The following OPRPN variants were observed in gnomAD, a reference collection of about 807,000 sequenced individuals.
OPRPN encodes the protein basic proline-rich lacrimal protein.
Under a neutral mutation model 2.2 loss-of-function variants are expected in OPRPN, and 1 was observed. The ratio of observed to expected loss-of-function variants is 0.45; its 90% CI spans 0.16 to 2.15. The LOEUF is 2.15. Among genes scored for constraint, OPRPN ranks in the 30% most tolerant of loss-of-function variants. The pLI, the probability that OPRPN is intolerant of heterozygous loss-of-function variation, is 0.28. For synonymous variants in OPRPN, 126 were observed against 111.5 expected, an observed-to-expected ratio of 1.13 and a Z score of -0.82; for missense variants, 306 against 297.3, an observed-to-expected ratio of 1.03 and a Z score of -0.21.
At chr4:70,399,497 T>C (rs1732928088) in intron 2 of OPRPN, 161 bp downstream of exon 2, 1 of 599,230 alleles carries the variant, frequency 1.7e-6, no homozygotes, top group Admixed American at 2.9e-5. Context: ...TTCTCATTTA[T>C]GACTAACCAT....
intron 2 of OPRPN, chr4:70,399,538 A>G (rs1425938752): frequency 4.1e-6 from 2 of 484,264 alleles, no homozygotes; most frequent in South Asian, 3.2e-5. Context: ...ATGAAGGGAC[A>G]GTGGACTGCA....
intron 2 of OPRPN, among the ~76,000 whole-genome samples, chr4:70,407,032 T>C (rs4627929): frequency 0.84 from 127,350 of 152,084 alleles, 53,471 homozygotes; most frequent in Admixed American, 0.89. Flanking sequence ...AACCCTGCTT[T>C]TCTCTGTACT....
intron 2 of OPRPN, among the ~76,000 whole-genome samples, chr4:70,408,419 C>T (rs1733137402): frequency 6.6e-6 from 1 of 152,130 alleles, no homozygotes; most frequent in Admixed American, 6.6e-5. Context: ...GCCATCTTCT[C>T]TACATGGCAA....
intron 2 of OPRPN, among the ~76,000 whole-genome samples, chr4:70,407,837 A>C (rs1560534265): frequency 1.3e-5 from 2 of 152,194 alleles, no homozygotes; most frequent in Non-Finnish European, 2.9e-5. Context: ...TTAAACAGGA[A>C]GAGAGAACAG....
rs778998277 is a variant in OPRPN at position 70,409,616 on chromosome 4, T to G, written c.288T>G (p.Pro96=). The G allele has an allele frequency of 7.4e-6, 12 of 1,613,762 alleles. No homozygotes were observed. In the South Asian group the frequency reaches 1.3e-4, roughly 18 times the overall value. The change falls in exon 3 of 3, where the codon CCT becomes CCG. Residue 96 remains proline, a synonymous_variant. Transcript: ENST00000399575. ...QLFPLESIRQ[P]RLFPGYPNLH... is the part of the protein sequence containing the mutation. Reference sequence around the variant, plus strand: ...TTCCATTGGAATCTATTAGACAACCTCGACTCTTTCCGGGTTATCCAAACC... The same window carrying G: ...TTCCATTGGAATCTATTAGACAACCGCGACTCTTTCCGGGTTATCCAAACC...
Position 70,410,050 on chromosome 4 carries a change from A to T in OPRPN, c.722A>T (p.Gln241Leu). The T allele has an allele frequency of 6.4e-7, 1 of 1,559,004 alleles. No homozygotes were observed. Among genetic ancestry groups the T allele is most frequent in the Non-Finnish European group, 8.7e-7 (1 of 1,154,804 alleles). The change falls in exon 3 of 3, where the codon CAA becomes CTA. Residue 241 changes from glutamine to leucine, a missense_variant. Transcript: ENST00000399575. The part of the protein sequence containing the change: ...LSSPAFKSFW[Q>L]KLFAIFG ...AGCCCAGCCTTTAAAAGTTTTTGGC[A>T]AAAACTCTTTGCCATTTTTGGTTGA...
At chr4:70,401,886 A>C (rs1732990498) in intron 2 of OPRPN, among the ~76,000 whole-genome samples, 1 of 152,252 alleles carries the variant, frequency 6.6e-6, no homozygotes, top group South Asian at 2.1e-4. Flanking sequence ...TTTGCAGCAC[A>C]ATCTGTCCAC....
chr4:70,409,718 T>A lies in OPRPN; in HGVS notation c.390T>A (p.Phe130Leu). Residue 130 changes from phenylalanine (F) to leucine (L), a missense_variant, in exon 3 of 3, where the codon TTT becomes TTA. Physicochemically the swap from Phe to Leu is conservative, Grantham distance 22 (BLOSUM62 0). Coordinates refer to ENST00000399575, the MANE Select transcript of OPRPN (RefSeq NM_021225.5). ...LKPPFPPIPF[F>L]LAIYLPISNP... ...CCCCATTTCCTCCTATTCCTTTTTT[T>A]CTTGCTATTTACCTTCCTATCTCTA... The A allele has an allele frequency of 6.2e-7, 1 of 1,613,528 alleles. No individual in the cohort carries two copies. The highest frequency in any genetic ancestry group is 1.1e-5 in the South Asian group (1 of 91,052).
intron 2 of OPRPN, among the ~76,000 whole-genome samples, chr4:70,400,200 T>C (rs1732945413): frequency 6.6e-6 from 1 of 151,900 alleles, no homozygotes; most frequent in East Asian, 1.9e-4. Flanking sequence ...CTAGTGGTGG[T>C]TGATACAGAA....
At chr4:70,406,239 C>T (rs988555443) in intron 2 of OPRPN, among the ~76,000 whole-genome samples, 1 of 152,176 alleles carries the variant, frequency 6.6e-6, no homozygotes, top group Non-Finnish European at 1.5e-5. Context: ...ACCTAACTTA[C>T]TTCGAATTCC....
At chr4:70,406,848 T>G (rs963410985) in intron 2 of OPRPN, among the ~76,000 whole-genome samples, 6 of 152,202 alleles carry the variant, frequency 3.9e-5, no homozygotes, top group Non-Finnish European at 8.8e-5. Context: ...TAATTTATAT[T>G]TATTCTTGCA....
At chr4:70,408,299 G>A (rs1472480984) in intron 2 of OPRPN, among the ~76,000 whole-genome samples, 6 of 152,138 alleles carry the variant, frequency 3.9e-5, no homozygotes, top group East Asian at 1.9e-4. Flanking sequence ...TCTGATGGTC[G>A]CTAGAATAGA....
intron 2 of OPRPN, among the ~76,000 whole-genome samples, chr4:70,401,123 CAAGACAAATGTAACTTA>C (rs1732976752): frequency 1.3e-5 from 2 of 152,050 alleles, no homozygotes; most frequent in African/African-American, 4.8e-5. Context: ...GCCTGAATTG[CAAGACAAATGTAACTTA>C]AATTCTTTTC....
At chr4:70,404,020 TATGGCTCCCATC>T (rs1733037300) in intron 2 of OPRPN, among the ~76,000 whole-genome samples, 1 of 152,204 alleles carries the variant, frequency 6.6e-6, no homozygotes, top group South Asian at 2.1e-4. Flanking sequence ...CCACTGATCT[TATGGCTCCCATC>T]ATGGTCCATT....
At chr4:70,399,234 T>C in intron 1 of OPRPN, 37 bp from the exon 2 acceptor site, 2 of 1,462,130 alleles carry the variant, frequency 1.4e-6, no homozygotes, top group Middle Eastern at 1.8e-4. Flanking sequence ...TGTTGATCGA[T>C]TTGGCTAACT....
chr4:70,399,206 AT>A lies in OPRPN; in HGVS notation c.-15-59del. On this transcript the variant is annotated intron_variant, in intron 1 of 2. Transcript: ENST00000399575. ...AACAAGTGTTAAAATGTTTTAAAAA[AT>A]TTTTTCTGAAAAACACTGTTGATCG... is the stretch of plus-strand genomic sequence containing the variant. 4 of 1,213,196 alleles carry A rather than the reference AT, an allele frequency of 3.3e-6. No homozygotes were observed. The Admixed American group carries it at 6.5e-5, about 20-fold the overall frequency. 75.2% of individuals were successfully genotyped at this position (1,213,196 alleles called of 1,614,324 possible). A position where few individuals can be genotyped will look rare whatever the true frequency, so the allele number is the denominator to read the frequency against.
Position 70,409,585 on chromosome 4 carries a change from AAC to A in OPRPN, c.258_259del (p.Gln86HisfsTer8), listed in dbSNP as rs1368517905. On this transcript the variant is annotated frameshift_variant, in exon 3 of 3. Transcript: ENST00000399575. LOFTEE classifies it low-confidence loss of function (END_TRUNC). ...TTTAGCCAAGCAGTCATTCTATCTC[AAC>A]TCTTTCCATTGGAATCTATTAGACA... is the stretch of plus-strand genomic sequence containing the variant. 6.2e-7 allele frequency: 1 copy of A among 1,613,604 alleles called. No individual in the cohort carries two copies. The highest frequency in any genetic ancestry group is 1.1e-5 in the South Asian group (1 of 91,066).
intron 2 of OPRPN, among the ~76,000 whole-genome samples, chr4:70,407,098 A>C (rs1023644838): frequency 6.6e-6 from 1 of 152,068 alleles, no homozygotes; most frequent in African/African-American, 2.4e-5. Context: ...CTTATAGCTT[A>C]GTTTGCACGT....
chr4:70,406,321 A>G (rs1278634091), intron 2 of OPRPN, among the ~76,000 whole-genome samples: 6 of 152,238 alleles, frequency 3.9e-5, no homozygotes, highest in Non-Finnish European at 2.9e-5. Flanking sequence ...TAAAGAAGAT[A>G]CAACTTATTC....
Sources: allele counts gnomAD v4.1 joint callset (sites outside exome capture counted in the v4.1 genomes callset), GRCh38; gene constraint gnomAD v4.1.1; transcripts MANE v1.5; gene names NCBI Gene and HGNC (gene_info 2026-07-23, HGNC 2026-07-21).